CD2AP: variants seen among roughly 807,000 people sequenced by gnomAD.
CD2AP encodes the protein CD2 associated protein.
In CD2AP, 46 loss-of-function variants were observed where a neutral mutation model predicts 85.1. The observed-to-expected ratio is 0.54, with a 90% confidence interval of 0.43 to 0.69. The LOEUF is 0.69. Ranked by LOEUF, CD2AP falls within the 30% of genes least tolerant of loss-of-function variation. The pLI, the probability that CD2AP is intolerant of heterozygous loss-of-function variation, is 0.00. For missense variants in CD2AP, 769 were observed against 729.5 expected, an observed-to-expected ratio of 1.05 and a Z score of -0.62; for synonymous variants, 255 against 252.9, an observed-to-expected ratio of 1.01 and a Z score of -0.08.
At chr6:47,576,938 T>G (rs750158112) in intron 7 of CD2AP, 71 bp from the exon 8 acceptor site, 46 of 857,454 alleles carry the variant, frequency 5.4e-5, no homozygotes, top group Non-Finnish European at 8.9e-5. Flanking sequence ...TTACACAAGA[T>G]AGAGGCTAAA....
intron 2 of CD2AP, among the ~76,000 whole-genome samples, chr6:47,528,893 T>G (rs765942625): frequency 1.1e-4 from 16 of 152,328 alleles, no homozygotes; most frequent in Non-Finnish European, 2.4e-4. Flanking sequence ...TCTTTGTATA[T>G]CTCAAATGAC....
Position 47,478,176 on chromosome 6 carries a change from C to T in CD2AP, c.-69C>T. On this transcript the variant is annotated 5_prime_UTR_variant, in exon 1 of 18. Coordinates refer to ENST00000359314, the MANE Select transcript of CD2AP (RefSeq NM_012120.3). ...TCCCGCCTCCAGCCGCGGGAGCGGCCGCGCGAGCCACCACTGGAGGAGGAG... is the reference window on the plus strand; with the variant it reads ...TCCCGCCTCCAGCCGCGGGAGCGGCTGCGCGAGCCACCACTGGAGGAGGAG... The T allele has an allele frequency of 1.3e-6, 2 of 1,547,130 alleles. No individual in the cohort carries two copies. The highest frequency in any genetic ancestry group is 1.7e-6 in the Non-Finnish European group (2 of 1,144,626).
chr6:47,505,634 C>A (rs1168801510), intron 2 of CD2AP, among the ~76,000 whole-genome samples: 1 of 124,940 alleles, frequency 8.0e-6, no homozygotes, highest in African/African-American at 2.8e-5. Context: ...TGACCCCCCC[C>A]ACCTCCCTCC....
At position 47,609,224 on chromosome 6, in the gene CD2AP, GA is replaced by G. The variant is rs773479372; in HGVS notation, c.1742del (p.Asn581IlefsTer17). 5 of 1,612,710 alleles carry G rather than the reference GA, an allele frequency of 3.1e-6. No individual in the cohort carries two copies. The highest frequency in any genetic ancestry group is 2.2e-5 in the East Asian group (1 of 44,860). On this transcript the variant is annotated frameshift_variant, in exon 16 of 18. Coordinates refer to ENST00000359314, the MANE Select transcript of CD2AP (RefSeq NM_012120.3). LOFTEE classifies it high-confidence loss of function. ...AAGCTAAAGTGGAAACAGATGATGTGAAAAAAAATTCCCTGGATGAACTTAG... is the reference window on the plus strand; with the variant it reads ...AAGCTAAAGTGGAAACAGATGATGTGAAAAAAATTCCCTGGATGAACTTAG... ...IKAKVETDDV[K>X]KNSLDELRAQ...
intron 11 of CD2AP, among the ~76,000 whole-genome samples, chr6:47,588,673 C>G (rs1351207468): frequency 6.6e-6 from 1 of 152,090 alleles, no homozygotes; most frequent in East Asian, 1.9e-4. Flanking sequence ...TGACCTGCCA[C>G]TCAGTGATTC....
intron 10 of CD2AP, 21 bp from the exon 11 acceptor site, chr6:47,581,982 T>G (rs749147182): frequency 2.0e-6 from 3 of 1,524,824 alleles, no homozygotes; most frequent in Non-Finnish European, 2.7e-6. Context: ...CTTAAAAAAG[T>G]ATTAATGTTT....
chr6:47,551,558 A>G (rs752438038), intron 4 of CD2AP, among the ~76,000 whole-genome samples: 1 of 152,168 alleles, frequency 6.6e-6, no homozygotes, highest in Non-Finnish European at 1.5e-5. Context: ...TTTTATCCCC[A>G]TTGTACATAG....
intron 12 of CD2AP, among the ~76,000 whole-genome samples, chr6:47,596,364 C>T (rs927346754): frequency 1.2e-4 from 18 of 152,060 alleles, no homozygotes; most frequent in Admixed American, 3.3e-4. Context: ...TTTCTTAAAA[C>T]TTATTCCCTC....
intron 17 of CD2AP, among the ~76,000 whole-genome samples, chr6:47,620,870 A>G (rs934025207): frequency 1.3e-5 from 2 of 152,176 alleles, no homozygotes; most frequent in South Asian, 4.1e-4. Flanking sequence ...GGTGTATAGA[A>G]GAGCTACTGA....
chr6:47,549,070 G>A (rs779403986), intron 4 of CD2AP, among the ~76,000 whole-genome samples: 7 of 152,062 alleles, frequency 4.6e-5, no homozygotes, highest in Non-Finnish European at 7.4e-5. Flanking sequence ...AATAAAAGCC[G>A]TCTATGCAAA....
chr6:47,572,079 C>T (rs1768172468), intron 5 of CD2AP, among the ~76,000 whole-genome samples: 1 of 152,156 alleles, frequency 6.6e-6, no homozygotes, highest in Non-Finnish European at 1.5e-5. Context: ...TAACACTCCC[C>T]CATTGTAATA....
chr6:47,519,844 T>G (rs1766539406), intron 2 of CD2AP, among the ~76,000 whole-genome samples: 2 of 152,100 alleles, frequency 1.3e-5, no homozygotes, highest in Non-Finnish European at 2.9e-5. Context: ...ACTTTTCAAA[T>G]TGCCCTTTTA....
chr6:47,608,067 G>T (rs1219623185), intron 15 of CD2AP, 39 bp downstream of exon 15: 4 of 1,401,298 alleles, frequency 2.9e-6, no homozygotes, highest in Non-Finnish European at 3.0e-6. Context: ...TGACTTTCTG[G>T]GATTCTTTGT....
intron 1 of CD2AP, among the ~76,000 whole-genome samples, chr6:47,490,874 C>T (rs973675570): frequency 2.6e-5 from 4 of 152,050 alleles, no homozygotes; most frequent in African/African-American, 9.7e-5. Context: ...GCAGTTTGTT[C>T]ACTATCTTAA....
At chr6:47,618,034 A>G (rs2114161300) in intron 17 of CD2AP, among the ~76,000 whole-genome samples, 1 of 152,276 alleles carries the variant, frequency 6.6e-6, no homozygotes, top group Admixed American at 6.5e-5. Flanking sequence ...AAAGTAATTT[A>G]GTGGCCGGGC....
At chr6:47,614,508 G>A (rs1769530036) in intron 17 of CD2AP, among the ~76,000 whole-genome samples, 1 of 152,136 alleles carries the variant, frequency 6.6e-6, no homozygotes, top group African/African-American at 2.4e-5. Context: ...AATTAAGTTT[G>A]CTGTTTTATA....
chr6:47,585,482 A>G (rs1008254980), intron 11 of CD2AP, among the ~76,000 whole-genome samples: 1 of 152,218 alleles, frequency 6.6e-6, no homozygotes, highest in Non-Finnish European at 1.5e-5. Flanking sequence ...TCACTGTGAC[A>G]CTGAAGTGAG....
intron 11 of CD2AP, among the ~76,000 whole-genome samples, chr6:47,584,527 G>A (rs1428946221): frequency 1.3e-5 from 2 of 151,664 alleles, no homozygotes; most frequent in East Asian, 1.9e-4. Context: ...AGGCCCTCCA[G>A]TAACTAACTG....
chr6:47,479,377 G>A (rs912341680), intron 1 of CD2AP, among the ~76,000 whole-genome samples: 2 of 152,210 alleles, frequency 1.3e-5, no homozygotes, highest in Non-Finnish European at 2.9e-5. Flanking sequence ...ACTTTGCTTT[G>A]TGGGGGATGT....
Sources: gnomAD v4.1 joint callset for allele counts (sites outside exome capture counted in the v4.1 genomes callset) on GRCh38, gnomAD v4.1.1 for gene constraint, MANE v1.5 for transcripts, NCBI Gene and HGNC (gene_info 2026-07-23, HGNC 2026-07-21) for gene names.